Variants in RGS22 observed in about 807,000 individuals in gnomAD.
RGS22 encodes regulator of G-protein signaling 22.
A neutral mutation model predicts 172.9 loss-of-function variants in RGS22; 148 were observed. The ratio of observed to expected loss-of-function variants is 0.86; its 90% confidence interval spans 0.75 to 0.98. The LOEUF is 0.98. Ranked by LOEUF, RGS22 falls within the 50% of genes least tolerant of loss-of-function variation. The pLI is 0.00. For synonymous variants in RGS22, 458 were observed against 480.2 expected (o/e 0.95, Z 0.60); for missense variants, 1,347 against 1,440.8 (o/e 0.93, Z 1.05).
intron 3 of RGS22, among the ~76,000 whole-genome samples, chr8:100,081,438 C>T (rs1278628832): frequency 6.6e-6 from 1 of 150,816 alleles, no homozygotes. Flanking sequence ...GTCTCCCCTT[C>T]TGAGGAATTT....
intron 20 of RGS22, among the ~76,000 whole-genome samples, chr8:99,990,713 GCAGA>G (rs948007281): frequency 6.6e-6 from 1 of 152,210 alleles, no homozygotes; most frequent in Non-Finnish European, 1.5e-5. Context: ...ACAAAAGGCA[GCAGA>G]CAACTTCTGC....
At chr8:100,002,912 T>C (rs1815253990) in intron 17 of RGS22, 1 of 154,538 alleles carries the variant, frequency 6.5e-6, no homozygotes. Context: ...ATAGAAAAAT[T>C]AGCTGGGCGT....
intron 23 of RGS22, among the ~76,000 whole-genome samples, chr8:99,973,069 G>A (rs986851049): frequency 6.6e-6 from 1 of 151,852 alleles, no homozygotes; most frequent in Non-Finnish European, 1.5e-5. Context: ...GTTGGTGGAA[G>A]TGTAAATTAG....
chr8:99,976,709 G>A (rs895385873), intron 23 of RGS22, among the ~76,000 whole-genome samples: 3 of 152,082 alleles, frequency 2.0e-5, no homozygotes, highest in African/African-American at 4.8e-5. Flanking sequence ...CAAACTTAAT[G>A]ACTGCTCCTA....
intron 21 of RGS22, among the ~76,000 whole-genome samples, chr8:99,984,752 T>C (rs1438098903): frequency 6.6e-6 from 1 of 151,806 alleles, no homozygotes. Flanking sequence ...GCCTAATAAA[T>C]ATTTGTTGGA....
At chr8:99,976,462 C>A (rs977905830) in intron 23 of RGS22, among the ~76,000 whole-genome samples, 34 of 152,140 alleles carry the variant, frequency 2.2e-4, no homozygotes, top group African/African-American at 8.2e-4. Context: ...CCCGGGTTCA[C>A]GCCATTCTCC....
intron 6 of RGS22, among the ~76,000 whole-genome samples, chr8:100,070,524 T>C (rs755502131): frequency 2.6e-5 from 4 of 152,246 alleles, no homozygotes; most frequent in African/African-American, 9.6e-5. Flanking sequence ...TTCAGCTTCA[T>C]AGAGATTTCT....
intron 6 of RGS22, among the ~76,000 whole-genome samples, chr8:100,067,439 C>G (rs2980541): frequency 6.6e-6 from 1 of 151,986 alleles, no homozygotes; most frequent in Non-Finnish European, 1.5e-5. Context: ...CTACTTTATT[C>G]TAAGCAATAG....
intron 10 of RGS22, chr8:100,050,964 T>C (rs1303819650): frequency 1.3e-5 from 2 of 152,144 alleles, no homozygotes; most frequent in Non-Finnish European, 2.9e-5. Context: ...AATCACATGG[T>C]AATAAATATA....
chr8:100,070,073 TAAGAAA>T (rs1418901887), intron 6 of RGS22, among the ~76,000 whole-genome samples: 3 of 138,620 alleles, frequency 2.2e-5, no homozygotes, highest in African/African-American at 7.9e-5. Context: ...GAGAGTCAAC[TAAGAAA>T]AATAACGAAT....
chr8:100,006,333 T>C (rs990295390), intron 15 of RGS22, among the ~76,000 whole-genome samples: 3 of 152,232 alleles, frequency 2.0e-5, no homozygotes, highest in African/African-American at 7.2e-5. Context: ...CCAAAGATCA[T>C]TCCTCCTTTC....
intron 3 of RGS22, among the ~76,000 whole-genome samples, chr8:100,086,013 A>G (rs1212816448): frequency 6.6e-6 from 1 of 152,182 alleles, no homozygotes; most frequent in Admixed American, 6.5e-5. Flanking sequence ...CTGGAAATTA[A>G]GGAAGATGTA....
chr8:100,097,824 T>A (rs1014530901), intron 2 of RGS22, among the ~76,000 whole-genome samples: 1 of 152,214 alleles, frequency 6.6e-6, no homozygotes, highest in African/African-American at 2.4e-5. Context: ...CTATTCCTTC[T>A]TATCCACACC....
intron 10 of RGS22, among the ~76,000 whole-genome samples, chr8:100,050,575 G>A (rs908652358): frequency 1.3e-5 from 2 of 152,190 alleles, no homozygotes; most frequent in African/African-American, 4.8e-5. Context: ...GGTTGTATGT[G>A]ACTATATGGC....
intron 17 of RGS22, 67 bp from the exon 18 acceptor site, chr8:100,002,431 G>C: frequency 2.0e-6 from 3 of 1,465,628 alleles, no homozygotes; most frequent in Non-Finnish European, 2.8e-6. Flanking sequence ...GTAAACACCC[G>C]ATTGTTGTTT....
chr8:100,040,195 G>T, intron 12 of RGS22, 108 bp from the exon 13 acceptor site: 2 of 960,722 alleles, frequency 2.1e-6, no homozygotes, highest in Non-Finnish European at 3.1e-6. Context: ...TTTTCCCACT[G>T]GACTATTTTA....
chr8:100,017,493 C>T (rs1471491145), intron 14 of RGS22, among the ~76,000 whole-genome samples: 1 of 152,018 alleles, frequency 6.6e-6, no homozygotes, highest in East Asian at 1.9e-4. Context: ...TTTATTAGCC[C>T]ATACAATAAA....
chr8:100,083,162 C>T (rs566921202), intron 3 of RGS22, among the ~76,000 whole-genome samples: 29 of 152,256 alleles, frequency 1.9e-4, no homozygotes, highest in African/African-American at 6.7e-4. Flanking sequence ...GTAATGGTTG[C>T]TTGTCAGCTC....
At chr8:100,099,164 T>A (rs2132040694) in intron 2 of RGS22, among the ~76,000 whole-genome samples, 1 of 152,188 alleles carries the variant, frequency 6.6e-6, no homozygotes, top group African/African-American at 2.4e-5. Context: ...TCCACCCGCC[T>A]CGGCCTCTCA....
Sources: allele counts gnomAD v4.1 joint callset (sites outside exome capture counted in the v4.1 genomes callset), GRCh38; gene constraint gnomAD v4.1.1; transcripts MANE v1.5; gene names NCBI Gene and HGNC (gene_info 2026-07-23, HGNC 2026-07-21).